Variants in CRYBG1 observed in about 807,000 individuals in gnomAD.
The protein encoded by CRYBG1 is beta/gamma crystallin domain-containing protein 1.
In CRYBG1, 139 loss-of-function variants were observed where a neutral mutation model predicts 189.2. The observed-to-expected ratio is 0.73, with a 90% CI of 0.64 to 0.85. The LOEUF (loss-of-function observed/expected upper bound fraction) is 0.85. Ranked by LOEUF, CRYBG1 falls within the 40% of genes least tolerant of loss-of-function variation. The pLI is 0.00. For missense variants in CRYBG1, 2,611 were observed against 2,675.8 expected, an observed-to-expected ratio of 0.98 and a Z score of 0.53; for synonymous variants, 1,023 against 1,017.1, an observed-to-expected ratio of 1.01 and a Z score of -0.11.
intron 1 of CRYBG1, among the ~76,000 whole-genome samples, chr6:106,446,626 T>A (rs962762761): frequency 6.6e-6 from 1 of 152,242 alleles, no homozygotes; most frequent in African/African-American, 2.4e-5. Context: ...CATATTTAAA[T>A]GCTTAAGGAA....
At chr6:106,543,741 T>G in intron 11 of CRYBG1, 144 bp downstream of exon 11, 1 of 963,854 alleles carries the variant, frequency 1.0e-6, no homozygotes, top group East Asian at 2.6e-5. Flanking sequence ...CCTCAGCCTA[T>G]AGTGACTGGA....
intron 2 of CRYBG1, among the ~76,000 whole-genome samples, chr6:106,485,287 T>C (rs1445190130): frequency 1.3e-5 from 2 of 152,246 alleles, no homozygotes; most frequent in East Asian, 3.8e-4. Context: ...TGATTTCTTT[T>C]CCAGATAGCT....
intron 1 of CRYBG1, chr6:106,449,266 CTT>C (rs1771730843): frequency 6.6e-6 from 1 of 152,140 alleles, no homozygotes; most frequent in South Asian, 2.1e-4. Flanking sequence ...TTTTATCTCT[CTT>C]GTCACTTGGA....
At chr6:106,397,319 G>A (rs113965080) in intron 1 of CRYBG1, among the ~76,000 whole-genome samples, 3,059 of 152,222 alleles carry the variant, frequency 0.02, 109 homozygotes, top group African/African-American at 0.069. Flanking sequence ...GTATAGTATT[G>A]TTAATTATAG....
chr6:106,411,761 C>G (rs567508930), intron 1 of CRYBG1, among the ~76,000 whole-genome samples: 46 of 152,242 alleles, frequency 3.0e-4, no homozygotes, highest in African/African-American at 1.1e-3. Flanking sequence ...AAGAGTGCAG[C>G]CTTCAGTCTG....
intron 3 of CRYBG1, among the ~76,000 whole-genome samples, chr6:106,518,068 A>G (rs1264759381): frequency 1.3e-5 from 2 of 152,242 alleles, no homozygotes; most frequent in Non-Finnish European, 2.9e-5. Flanking sequence ...TTTTTTGGTA[A>G]TCTGAAAAAT....
chr6:106,386,444 C>T (rs1490906068), intron 1 of CRYBG1, among the ~76,000 whole-genome samples: 1 of 152,218 alleles, frequency 6.6e-6, no homozygotes, highest in Admixed American at 6.5e-5. Context: ...GACTTAAAGC[C>T]TGCCACCAGT....
At chr6:106,381,270 AATAAAATAG>A (rs1770282617) in intron 1 of CRYBG1, among the ~76,000 whole-genome samples, 1 of 152,212 alleles carries the variant, frequency 6.6e-6, no homozygotes, top group Non-Finnish European at 1.5e-5. Context: ...CTGTTGACTT[AATAAAATAG>A]CATATTGCTT....
At chr6:106,367,716 C>T (rs765038388) in intron 1 of CRYBG1, among the ~76,000 whole-genome samples, 2 of 151,382 alleles carry the variant, frequency 1.3e-5, no homozygotes, top group Non-Finnish European at 1.5e-5. Context: ...GTAATCCCAG[C>T]ACTTTGGGAT....
At chr6:106,424,813 G>T (rs1168129598) in intron 1 of CRYBG1, among the ~76,000 whole-genome samples, 5 of 152,076 alleles carry the variant, frequency 3.3e-5, no homozygotes, top group Non-Finnish European at 7.4e-5. Context: ...AGTCCTGTCT[G>T]CCCGTCACCA....
Position 106,570,198 on chromosome 6 carries a change from G to A in CRYBG1, c.*1632G>A, listed in dbSNP as rs1235051134. The A allele has an allele frequency of 6.6e-6, 1 of 152,212 alleles. No individual in the cohort carries two copies. The highest frequency in any genetic ancestry group is 1.5e-5 in the Non-Finnish European group (1 of 68,048). The allele number at this position is 152,212 out of a possible 1,614,324, so 9.4% of individuals were successfully genotyped here. On this transcript the variant is annotated 3_prime_UTR_variant, in exon 22 of 22. Transcript: ENST00000633556. ...TTGTTTCTTTTCCATCTATTCAAGT[G>A]TGTTTCTAATTCTAAAATGCTGATC...
At chr6:106,476,478 T>G (rs1172623214) in intron 2 of CRYBG1, among the ~76,000 whole-genome samples, 1 of 152,200 alleles carries the variant, frequency 6.6e-6, no homozygotes, top group African/African-American at 2.4e-5. Context: ...GGAATAGATT[T>G]CTAAATACAC....
At chr6:106,563,305 C>T (rs898284252) in intron 20 of CRYBG1, among the ~76,000 whole-genome samples, 4 of 152,036 alleles carry the variant, frequency 2.6e-5, no homozygotes, top group African/African-American at 7.3e-5. Context: ...AATGCAATTC[C>T]GAGTTTTAAA....
intron 7 of CRYBG1, among the ~76,000 whole-genome samples, chr6:106,529,193 G>A (rs1305959439): frequency 1.3e-5 from 2 of 152,124 alleles, no homozygotes; most frequent in African/African-American, 2.4e-5. Context: ...TGATCTGCCC[G>A]CCTAGGCCTC....
intron 1 of CRYBG1, among the ~76,000 whole-genome samples, chr6:106,366,851 A>C (rs1312799389): frequency 6.6e-6 from 1 of 152,176 alleles, no homozygotes; most frequent in East Asian, 1.9e-4. Context: ...CTTTATAGTA[A>C]TGGTAGTAGT....
At chr6:106,479,269 A>G (rs1772396572) in intron 2 of CRYBG1, among the ~76,000 whole-genome samples, 2 of 152,212 alleles carry the variant, frequency 1.3e-5, no homozygotes, top group Admixed American at 6.5e-5. Context: ...CTGCTATGGC[A>G]AAATACCATA....
At chr6:106,418,736 G>C (rs1000920788) in intron 1 of CRYBG1, among the ~76,000 whole-genome samples, 5 of 152,212 alleles carry the variant, frequency 3.3e-5, no homozygotes, top group Admixed American at 1.3e-4. Flanking sequence ...TCCGAGGTTT[G>C]TTGCCTCATG....
chr6:106,498,887 A>G (rs1268556377), intron 2 of CRYBG1, among the ~76,000 whole-genome samples: 1 of 152,104 alleles, frequency 6.6e-6, no homozygotes, highest in Non-Finnish European at 1.5e-5. Flanking sequence ...AAGAAAAAAA[A>G]TAAATATAGA....
chr6:106,504,029 GAA>G lies in CRYBG1; in HGVS notation c.313-7383_313-7382del, dbSNP rs33971164. ...TGTTTGGCCTGAAGTGACAGCATTA[GAA>G]AAAAAAAAAAAAAAAAACCACAACC... On this transcript the variant is annotated intron_variant, in intron 2 of 21. Coordinates refer to ENST00000633556, the MANE Select transcript of CRYBG1 (RefSeq NM_001371242.2). Among the ~76,000 whole-genome samples, 153 of 88,540 alleles carry G rather than the reference GAA, an allele frequency of 1.7e-3. 1 individual carries two copies. Among genetic ancestry groups the G allele is most frequent in the African/African-American group, 5.4e-3 (134 of 24,758 alleles). 58.1% of individuals were successfully genotyped at this position (88,540 alleles called of 152,430 possible). A position where few individuals can be genotyped will look rare whatever the true frequency, so the allele number is the denominator to read the frequency against.
Sources: gnomAD v4.1 joint callset for allele counts (sites outside exome capture counted in the v4.1 genomes callset) on GRCh38, gnomAD v4.1.1 for gene constraint, MANE v1.5 for transcripts, NCBI Gene and HGNC (gene_info 2026-07-23, HGNC 2026-07-21) for gene names.